ANK2: variants seen among roughly 807,000 people sequenced by gnomAD.
ANK2 encodes the protein ankyrin 2.
Under a neutral mutation model 360.5 loss-of-function variants are expected in ANK2, and 83 were observed. The observed-to-expected ratio is 0.23, with a 90% CI of 0.19 to 0.28. The LOEUF is 0.28. Ranked by LOEUF, ANK2 falls within the 10% of genes least tolerant of loss-of-function variation. The pLI is 1.00. For missense variants in ANK2, 4,201 were observed against 4,795.7 expected (o/e 0.88, Z 3.66); for synonymous variants, 1,740 against 1,759.5 (o/e 0.99, Z 0.28).
chr4:112,930,655 G>A (rs986487348), intron 2 of ANK2, among the ~76,000 whole-genome samples: 4 of 151,984 alleles, frequency 2.6e-5, no homozygotes, highest in Non-Finnish European at 5.9e-5. Context: ...TTGGGAGGCC[G>A]AGGAGGGCAG....
At chr4:112,788,724 G>T in the ANK2 span, 1 of 1,593,486 alleles carries the variant, frequency 6.3e-7, no homozygotes. Context: ...CACAAAGCGG[G>T]TGAGGTCTCT....
At chr4:113,196,054 A>G (rs2098741919) in intron 2 of ANK2, among the ~76,000 whole-genome samples, 1 of 152,230 alleles carries the variant, frequency 6.6e-6, no homozygotes, top group African/African-American at 2.4e-5. Context: ...ATTTTGTGCC[A>G]GTACAATAAA....
At chr4:112,996,703 T>G (rs2048648782) in intron 2 of ANK2, among the ~76,000 whole-genome samples, 1 of 152,160 alleles carries the variant, frequency 6.6e-6, no homozygotes, top group Non-Finnish European at 1.5e-5. Flanking sequence ...GAATGAGGTA[T>G]CCATCCCTTT....
intron 4 of ANK2, among the ~76,000 whole-genome samples, chr4:113,199,832 A>C (rs1451227183): frequency 6.6e-6 from 1 of 152,118 alleles, no homozygotes; most frequent in Non-Finnish European, 1.5e-5. Flanking sequence ...TATATCATGG[A>C]GGATATTAGC....
intron 17 of ANK2, among the ~76,000 whole-genome samples, chr4:113,281,504 G>A (rs915001404): frequency 1.1e-4 from 16 of 151,988 alleles, no homozygotes; most frequent in African/African-American, 3.1e-4. Context: ...GCACCACTGC[G>A]CTCCAGTCTT....
chr4:112,785,783 C>T, the ANK2 span, among the ~76,000 whole-genome samples: 1 of 152,076 alleles, frequency 6.6e-6, no homozygotes, highest in Non-Finnish European at 1.5e-5. Flanking sequence ...ATCCTCCTGT[C>T]TCAGCCCCAC....
chr4:113,295,700 G>A (rs1052992710), intron 22 of ANK2, among the ~76,000 whole-genome samples: 1 of 152,122 alleles, frequency 6.6e-6, no homozygotes, highest in African/African-American at 2.4e-5. Context: ...AAACATAACA[G>A]CATTTCTCCT....
chr4:112,763,226 ATT>A, the ANK2 span, among the ~76,000 whole-genome samples: 8 of 144,772 alleles, frequency 5.5e-5, no homozygotes, highest in Admixed American at 6.9e-5. Context: ...CACCTGGCTA[ATT>A]TTTTTTTTTT....
At chr4:113,271,092 TCTC>T (rs2058312573) in intron 14 of ANK2, among the ~76,000 whole-genome samples, 1 of 152,174 alleles carries the variant, frequency 6.6e-6, no homozygotes, top group Non-Finnish European at 1.5e-5. Flanking sequence ...GAAAAAGATT[TCTC>T]CTCTGATTCC....
intron 1 of ANK2, among the ~76,000 whole-genome samples, chr4:113,129,533 TTTTG>T (rs144050487): frequency 0.014 from 2,163 of 152,300 alleles, 47 homozygotes; most frequent in African/African-American, 0.049. Flanking sequence ...AAAACAGAAT[TTTTG>T]TTTGTTTGTT....
chr4:112,739,888 T>C, the ANK2 span, among the ~76,000 whole-genome samples: 1 of 152,154 alleles, frequency 6.6e-6, no homozygotes, highest in Non-Finnish European at 1.5e-5. Context: ...TCCCAGCTAC[T>C]TGGAGGCTGA....
At chr4:113,021,726 T>C (rs972006963) in intron 2 of ANK2, among the ~76,000 whole-genome samples, 4 of 151,822 alleles carry the variant, frequency 2.6e-5, no homozygotes, top group Admixed American at 2.6e-4. Context: ...TACTTCTCTA[T>C]GTGTTTGTTA....
At chr4:113,282,930 C>T in intron 18 of ANK2, 58 bp downstream of exon 18, 1 of 1,564,420 alleles carries the variant, frequency 6.4e-7, no homozygotes, top group South Asian at 1.1e-5. Context: ...AAACAGGAAC[C>T]AATCGCAGAC....
chr4:113,068,069 A>C (rs1269398988), intron 1 of ANK2, among the ~76,000 whole-genome samples: 1 of 152,164 alleles, frequency 6.6e-6, no homozygotes, highest in Non-Finnish European at 1.5e-5. Flanking sequence ...AAGCCAAAAC[A>C]TAGCATCTCT....
intron 1 of ANK2, among the ~76,000 whole-genome samples, chr4:112,889,073 C>G (rs537027652): frequency 6.6e-6 from 1 of 152,220 alleles, no homozygotes; most frequent in South Asian, 2.1e-4. Context: ...ATTATAATTT[C>G]TAGTTTCTCT....
intron 4 of ANK2, among the ~76,000 whole-genome samples, chr4:113,209,612 C>A (rs1389854028): frequency 1.3e-5 from 2 of 152,006 alleles, no homozygotes; most frequent in Non-Finnish European, 2.9e-5. Flanking sequence ...GAGGATCAGG[C>A]AGCTCATGCT....
intron 26 of ANK2, among the ~76,000 whole-genome samples, chr4:113,327,095 T>C (rs767689450): frequency 6.6e-6 from 1 of 152,194 alleles, no homozygotes; most frequent in Non-Finnish European, 1.5e-5. Flanking sequence ...TACTTAAATA[T>C]TACTTTCCAG....
chr4:113,298,946 A>C (rs1251707773), intron 22 of ANK2, among the ~76,000 whole-genome samples: 1 of 152,234 alleles, frequency 6.6e-6, no homozygotes, highest in Non-Finnish European at 1.5e-5. Flanking sequence ...CCATCCATTC[A>C]ACAAATATTT....
chr4:112,948,283 A>G (rs1252362737), intron 2 of ANK2, among the ~76,000 whole-genome samples: 1 of 152,220 alleles, frequency 6.6e-6, no homozygotes, highest in Non-Finnish European at 1.5e-5. Context: ...TGGAGAAGCC[A>G]TATGTATATA....
Sources: gnomAD v4.1 joint callset for allele counts (sites outside exome capture counted in the v4.1 genomes callset) on GRCh38, gnomAD v4.1.1 for gene constraint, MANE v1.5 for transcripts, NCBI Gene and HGNC (gene_info 2026-07-23, HGNC 2026-07-21) for gene names.